NDC80: variants seen among roughly 807,000 people sequenced by gnomAD.
NDC80 encodes NDC80 kinetochore complex component.
A neutral mutation model predicts 89.3 loss-of-function variants in NDC80; 69 were observed. The observed-to-expected ratio is 0.77, with a 90% CI of 0.64 to 0.94. The LOEUF (loss-of-function observed/expected upper bound fraction) is 0.94, where lower values mean the gene tolerates loss of function less well. Ranked by LOEUF, NDC80 falls within the 40% of genes least tolerant of loss-of-function variation. The pLI is 0.00. For missense variants in NDC80, 593 were observed against 739.6 expected (o/e 0.80, Z 2.30); for synonymous variants, 243 against 255.6 (o/e 0.95, Z 0.47).
intron 7 of NDC80, 133 bp from the exon 8 acceptor site, chr18:2,587,697 A>T: frequency 3.2e-6 from 2 of 623,172 alleles, no homozygotes; most frequent in South Asian, 2.0e-5. Flanking sequence ...TTTGTCTCTT[A>T]TTTATAGGTT....
chr18:2,586,819 T>A (rs2072605012), intron 7 of NDC80, among the ~76,000 whole-genome samples: 1 of 152,210 alleles, frequency 6.6e-6, no homozygotes, highest in African/African-American at 2.4e-5. Context: ...TTATTTCAAA[T>A]GACAATATAT....
intron 3 of NDC80, among the ~76,000 whole-genome samples, chr18:2,577,053 A>G (rs776041013): frequency 4.6e-5 from 7 of 152,202 alleles, no homozygotes; most frequent in Admixed American, 2.0e-4. Context: ...TTTGTAATGT[A>G]ATTCATCTCA....
chr18:2,587,086 A>G (rs1273778621), intron 7 of NDC80, among the ~76,000 whole-genome samples: 1 of 125,694 alleles, frequency 8.0e-6, no homozygotes, highest in Non-Finnish European at 1.7e-5. Context: ...GAATACTCAG[A>G]CTGCCTATTC....
At chr18:2,597,658 A>T (rs919910672) in intron 11 of NDC80, among the ~76,000 whole-genome samples, 1 of 151,994 alleles carries the variant, frequency 6.6e-6, no homozygotes, top group African/African-American at 2.4e-5. Context: ...TTGAACCCGG[A>T]GGCGGAAGTT....
At chr18:2,586,016 G>A (rs1334009613) in intron 7 of NDC80, among the ~76,000 whole-genome samples, 1 of 152,158 alleles carries the variant, frequency 6.6e-6, no homozygotes, top group South Asian at 2.1e-4. Flanking sequence ...TCCAAAAGTG[G>A]TTGAGATAAA....
intron 16 of NDC80, among the ~76,000 whole-genome samples, chr18:2,612,933 T>C (rs2072753037): frequency 2.0e-5 from 3 of 152,286 alleles, no homozygotes; most frequent in Admixed American, 6.5e-5. Context: ...TTGAACAGGA[T>C]CAGGCAAAAT....
At chr18:2,610,003 T>C (rs2072734249) in intron 15 of NDC80, among the ~76,000 whole-genome samples, 1 of 152,348 alleles carries the variant, frequency 6.6e-6, no homozygotes, top group African/African-American at 2.4e-5. Flanking sequence ...TACTTTATAA[T>C]CAAATTATAC....
chr18:2,579,718 T>A (rs2072566479), intron 6 of NDC80, among the ~76,000 whole-genome samples: 1 of 152,236 alleles, frequency 6.6e-6, no homozygotes, highest in Non-Finnish European at 1.5e-5. Context: ...TAAGCCACCA[T>A]GACCGGCCCC....
chr18:2,573,808 T>C (rs2072532103), intron 2 of NDC80, among the ~76,000 whole-genome samples: 3 of 152,208 alleles, frequency 2.0e-5, no homozygotes, highest in Admixed American at 2.0e-4. Context: ...TGTGCTGTTA[T>C]ACATTACTTA....
Position 2,589,207 on chromosome 18 carries a change from AT to A in NDC80, c.770del (p.Leu257TyrfsTer12). ...AGCTTTTGGATTTTGTCTCCAGAGGATTTATTTAATGTGGATGCTTTTAAGC... is the reference window on the plus strand; with the variant it reads ...AGCTTTTGGATTTTGTCTCCAGAGGATTATTTAATGTGGATGCTTTTAAGC... ...MNAELQSKLK[D>X]LFNVDAFKLE... On this transcript the variant is annotated frameshift_variant, in exon 9 of 17. Coordinates refer to ENST00000261597, the MANE Select transcript of NDC80 (RefSeq NM_006101.3). LOFTEE classifies it high-confidence loss of function. The A allele has an allele frequency of 1.2e-6, 2 of 1,607,496 alleles. No homozygotes were observed. Among genetic ancestry groups the A allele is most frequent in the African/African-American group, 1.3e-5 (1 of 74,872 alleles).
chr18:2,600,465 C>T (rs556031179), intron 12 of NDC80, among the ~76,000 whole-genome samples: 8 of 152,022 alleles, frequency 5.3e-5, no homozygotes, highest in South Asian at 4.1e-4. Flanking sequence ...AAAAACTAGC[C>T]GGGTGTGGTG....
At chr18:2,591,686 C>T (rs942355518) in intron 10 of NDC80, among the ~76,000 whole-genome samples, 4 of 150,144 alleles carry the variant, frequency 2.7e-5, no homozygotes, top group Non-Finnish European at 5.9e-5. Flanking sequence ...TTTGTTTATT[C>T]TTCATGATGA....
At chr18:2,583,098 G>A (rs978844269) in intron 6 of NDC80, among the ~76,000 whole-genome samples, 7 of 152,212 alleles carry the variant, frequency 4.6e-5, no homozygotes, top group African/African-American at 1.7e-4. Flanking sequence ...AGTGGTGTTA[G>A]AGTGGAAAAC....
intron 13 of NDC80, among the ~76,000 whole-genome samples, chr18:2,601,873 A>T (rs1354088162): frequency 6.6e-6 from 1 of 152,108 alleles, no homozygotes; most frequent in Non-Finnish European, 1.5e-5. Flanking sequence ...CTTTTTACCA[A>T]GTTTTTGGAT....
At position 2,596,277 on chromosome 18, in the gene NDC80, C is replaced by T. The variant is rs1247149799; in HGVS notation, c.1221+656C>T. On this transcript the variant is annotated intron_variant, in intron 11 of 16. Coordinates refer to ENST00000261597, the MANE Select transcript of NDC80 (RefSeq NM_006101.3). ...GAGAAAATTTTCGCAACCTACTCAT[C>T]TGACAAAGGGCTAATATCCAGAATC... Among the ~76,000 whole-genome samples, 3 of 152,062 alleles carry T rather than the reference C, an allele frequency of 2.0e-5. No individual in the cohort carries two copies. The East Asian group carries it at 5.8e-4, about 29-fold the overall frequency.
Position 2,573,052 on chromosome 18 carries a change from G to A in NDC80, c.67G>A (p.Asp23Asn). 1.9e-6 allele frequency: 3 copies of A among 1,614,050 alleles called. No individual in the cohort carries two copies. The highest frequency in any genetic ancestry group is 2.5e-6 in the Non-Finnish European group (3 of 1,179,990). Residue 23 changes from aspartate to asparagine, a missense_variant, in exon 2 of 17, where the codon GAT becomes AAT. By Grantham distance (23) the Asp-to-Asn change is conservative (BLOSUM62 1). Transcript: ENST00000261597. Reference sequence around the variant, plus strand: ...CTCCATGCAGGAGTTAAGATCCCAGGATGTAAATAAACAAGGCCTCTATAC... The same window carrying A: ...CTCCATGCAGGAGTTAAGATCCCAGAATGTAAATAAACAAGGCCTCTATAC... ...RLSMQELRSQ[D>N]VNKQGLYTPQ...
chr18:2,590,689 A>G (rs182432271), intron 10 of NDC80, among the ~76,000 whole-genome samples: 1 of 152,288 alleles, frequency 6.6e-6, no homozygotes, highest in East Asian at 1.9e-4. Flanking sequence ...CTTTTCCCAA[A>G]TAAGGTAATT....
At chr18:2,575,549 T>A (rs566597937) in intron 3 of NDC80, among the ~76,000 whole-genome samples, 3 of 152,224 alleles carry the variant, frequency 2.0e-5, no homozygotes, top group Admixed American at 1.3e-4. Context: ...GAGGCTGAGA[T>A]GATCTTGAGT....
chr18:2,595,009 A>G (rs1446861399), intron 10 of NDC80: 3 of 152,442 alleles, frequency 2.0e-5, no homozygotes, highest in Non-Finnish European at 4.4e-5. Flanking sequence ...GGATGCATGC[A>G]TGAACCCAGG....
Sources: gnomAD v4.1 joint callset for allele counts (sites outside exome capture counted in the v4.1 genomes callset) on GRCh38, gnomAD v4.1.1 for gene constraint, MANE v1.5 for transcripts, NCBI Gene and HGNC (gene_info 2026-07-23, HGNC 2026-07-21) for gene names.